MRTFA: variants seen among roughly 807,000 people sequenced by gnomAD.
The protein encoded by MRTFA is myocardin related transcription factor A, also known as myocardin-related transcription factor A.
MRTFA carries 20 observed loss-of-function variants against 83.5 expected under a neutral mutation model. The ratio of observed to expected loss-of-function variants is 0.24; its 90% CI spans 0.17 to 0.35. The LOEUF (loss-of-function observed/expected upper bound fraction) is 0.35, where lower values mean the gene tolerates loss of function less well. MRTFA is among the 10% of genes least tolerant of loss of function. The pLI is 1.00. For synonymous variants in MRTFA, 659 were observed against 541.2 expected, an observed-to-expected ratio of 1.22 and a Z score of -3.02; for missense variants, 1,200 against 1,224.7, an observed-to-expected ratio of 0.98 and a Z score of 0.30.
chr22:40,457,963 T>G (rs2053626554), intron 4 of MRTFA, among the ~76,000 whole-genome samples: 1 of 152,234 alleles, frequency 6.6e-6, no homozygotes, highest in African/African-American at 2.4e-5. Context: ...CAGAACGTTT[T>G]TCTTAAATTT....
chr22:40,519,697 T>A, intron 3 of MRTFA: 1 of 983,168 alleles, frequency 1.0e-6, no homozygotes, highest in Non-Finnish European at 1.3e-6. Context: ...TCACACCCAC[T>A]CATGGGTTCT....
intron 3 of MRTFA, among the ~76,000 whole-genome samples, chr22:40,488,983 T>C (rs1053287081): frequency 3.3e-5 from 5 of 152,178 alleles, no homozygotes; most frequent in Non-Finnish European, 2.9e-5. Flanking sequence ...TCATTCATAT[T>C]GTATCAGAGG....
At chr22:40,599,092 G>A (rs941288216) in intron 1 of MRTFA, among the ~76,000 whole-genome samples, 2 of 151,682 alleles carry the variant, frequency 1.3e-5, no homozygotes, top group African/African-American at 2.4e-5. Context: ...GAGGTTGGGA[G>A]TTCGAGACTA....
chr22:40,554,058 T>C (rs538003358), intron 2 of MRTFA, among the ~76,000 whole-genome samples: 1 of 152,326 alleles, frequency 6.6e-6, no homozygotes, highest in East Asian at 1.9e-4. Context: ...TTTGGCCAAT[T>C]TCTCCCCTTT....
intron 3 of MRTFA, among the ~76,000 whole-genome samples, chr22:40,539,012 T>TC (rs1569318780): frequency 7.5e-6 from 1 of 134,018 alleles, no homozygotes; most frequent in South Asian, 2.7e-4. Flanking sequence ...TTTTTTTTTT[T>TC]GAGACAAAGT....
intron 3 of MRTFA, among the ~76,000 whole-genome samples, chr22:40,551,794 G>A (rs963254595): frequency 1.3e-5 from 2 of 152,126 alleles, no homozygotes; most frequent in African/African-American, 4.8e-5. Context: ...ACAGAGGCTT[G>A]TTTACCATTT....
At chr22:40,478,130 G>A (rs111897459) in intron 3 of MRTFA, among the ~76,000 whole-genome samples, 2,386 of 152,230 alleles carry the variant, frequency 0.016, 36 homozygotes, top group Middle Eastern at 0.027. Flanking sequence ...CAGATCCAAA[G>A]TTAAGATAAA....
rs766860998 is a variant in MRTFA at position 40,418,929 on chromosome 22, G to A, written c.1809C>T (p.Pro603=). 4.3e-6 allele frequency: 7 copies of A among 1,612,812 alleles called. No individual in the cohort carries two copies. The Admixed American group carries it at 5.0e-5, about 12-fold the overall frequency. The stretch of plus-strand genomic sequence containing the variant: ...GGCTCAGGCAACAGGACCCGGCCCG[G>A]GGGCCCTCCTCCTTCACGAGGATCT... The change falls in exon 12 of 15, where the codon CCC becomes CCT. Residue 603 remains proline (P), a synonymous_variant. Transcript: ENST00000355630.
chr22:40,459,849 A>ATG lies in MRTFA; in HGVS notation c.307+3371_307+3372insCA, dbSNP rs1446395279. 5.7e-5 allele frequency among the ~76,000 whole-genome samples: 8 copies of ATG among 140,430 alleles called. 1 individual carries two copies. Among genetic ancestry groups the ATG allele is most frequent in the African/African-American group, 2.1e-4 (8 of 37,544 alleles). The allele number at this position is 140,430 out of a possible 152,430, so 92.1% of individuals were successfully genotyped here. A position where few individuals can be genotyped will look rare whatever the true frequency, so the allele number is the denominator to read the frequency against. ...TATATACATATATATATATATATATATATATATATATATACACACATGAAT... is the reference window on the plus strand; with the variant it reads ...TATATACATATATATATATATATATATGTATATATATATATACACACATGAAT... On this transcript the variant is annotated intron_variant, in intron 4 of 14. Transcript: ENST00000355630.
chr22:40,457,600 A>G (rs924445704), intron 4 of MRTFA, among the ~76,000 whole-genome samples: 1 of 152,170 alleles, frequency 6.6e-6, no homozygotes. Context: ...TAACTCTGCT[A>G]TGGGTGCACA....
intron 3 of MRTFA, among the ~76,000 whole-genome samples, chr22:40,527,490 G>A (rs1180692519): frequency 2.6e-5 from 4 of 151,944 alleles, no homozygotes; most frequent in Admixed American, 1.3e-4. Flanking sequence ...AGGCGCAGTG[G>A]CTCACGTCTG....
intron 4 of MRTFA, among the ~76,000 whole-genome samples, chr22:40,445,168 A>G (rs2053352442): frequency 6.6e-6 from 1 of 152,128 alleles, no homozygotes; most frequent in Admixed American, 6.6e-5. Context: ...TCCCTCCCTC[A>G]ATTTTGCACT....
At chr22:40,571,026 CAAAAAAAAA>C (rs71199292) in intron 2 of MRTFA, among the ~76,000 whole-genome samples, 24 of 46,732 alleles carry the variant, frequency 5.1e-4, no homozygotes, top group South Asian at 1.7e-3. Context: ...CCTGTCTCTA[CAAAAAAAAA>C]AAAAAAAAAA....
chr22:40,493,230 G>A (rs2054298054), intron 3 of MRTFA, among the ~76,000 whole-genome samples: 1 of 152,190 alleles, frequency 6.6e-6, no homozygotes, highest in Non-Finnish European at 1.5e-5. Flanking sequence ...TAAACAGAAG[G>A]GGGAAGATAT....
chr22:40,416,105 C>T lies in MRTFA; in HGVS notation c.2578+881G>A, dbSNP rs2052673543. 6.6e-6 allele frequency among the ~76,000 whole-genome samples: 1 copy of T among 152,222 alleles called. No homozygotes were observed. Among genetic ancestry groups the T allele is most frequent in the Non-Finnish European group, 1.5e-5 (1 of 68,034 alleles). On this transcript the variant is annotated intron_variant, in intron 14 of 14. Transcript: ENST00000355630. The surrounding 1 kb of genome is among the most constrained non-coding windows in gnomAD (Gnocchi z 4.2). ...TCGTGACACACCCCATCAGGGACCG[C>T]GCAATGTGGTCCCACACGTGCCCCC...
At chr22:40,558,980 C>A (rs1435755100) in intron 2 of MRTFA, among the ~76,000 whole-genome samples, 1 of 152,024 alleles carries the variant, frequency 6.6e-6, no homozygotes, top group Non-Finnish European at 1.5e-5. Context: ...TGGGTTTTCA[C>A]CATGTTGGCC....
intron 4 of MRTFA, among the ~76,000 whole-genome samples, chr22:40,462,860 G>A (rs1333945758): frequency 6.6e-6 from 1 of 152,134 alleles, no homozygotes; most frequent in Admixed American, 6.6e-5. Flanking sequence ...TGGGAGAAGT[G>A]GTTCTTCCTC....
chr22:40,476,098 C>A (rs562538359), intron 3 of MRTFA, among the ~76,000 whole-genome samples: 1 of 149,622 alleles, frequency 6.7e-6, no homozygotes, highest in South Asian at 2.2e-4. Flanking sequence ...GAGCTGAGAT[C>A]GCGCCACTGC....
At chr22:40,589,041 T>C (rs755567167) in intron 2 of MRTFA, among the ~76,000 whole-genome samples, 12 of 152,180 alleles carry the variant, frequency 7.9e-5, no homozygotes, top group Non-Finnish European at 1.6e-4. Flanking sequence ...ATTTTTTTCA[T>C]AGCACTACGC....
Sources: allele counts gnomAD v4.1 joint callset (sites outside exome capture counted in the v4.1 genomes callset), GRCh38; gene constraint gnomAD v4.1.1; non-coding constraint Gnocchi (gnomAD v3.1); transcripts MANE v1.5; gene names NCBI Gene and HGNC (gene_info 2026-07-23, HGNC 2026-07-21).